RGSL1: variants seen among roughly 807,000 people sequenced by gnomAD.
RGSL1 encodes regulator of G protein signaling like 1.
In RGSL1, 97 loss-of-function variants were observed where a neutral mutation model predicts 124.7. That is an observed-to-expected ratio of 0.78 (90% confidence interval 0.66 to 0.92). RGSL1 has a LOEUF of 0.92. Among genes scored for constraint, RGSL1 ranks in the 40% least tolerant of loss-of-function variants. The pLI is 0.00. For missense variants in RGSL1, 1,233 were observed against 1,288.4 expected (o/e 0.96, Z 0.66); for synonymous variants, 424 against 438.1 (o/e 0.97, Z 0.40).
intron 5 of RGSL1, 143 bp downstream of exon 5, chr1:182,472,700 C>A (rs1968710): frequency 0.07 from 54,867 of 786,396 alleles, 2,879 homozygotes; most frequent in East Asian, 0.25. Context: ...CAACCCCAAC[C>A]CTTAACCAGG....
chr1:182,488,779 A>T, intron 7 of RGSL1: 1 of 502,592 alleles, frequency 2.0e-6, no homozygotes. Context: ...AACCACAGAA[A>T]ATTTCTTCCT....
intron 4 of RGSL1, among the ~76,000 whole-genome samples, chr1:182,471,106 TC>T (rs1399402728): frequency 2.0e-5 from 3 of 152,172 alleles, no homozygotes; most frequent in Non-Finnish European, 4.4e-5. Context: ...TTAACACATG[TC>T]ACCAGATGGT....
chr1:182,462,643 CATTA>C (rs1652943564), intron 4 of RGSL1, among the ~76,000 whole-genome samples: 2 of 152,138 alleles, frequency 1.3e-5, no homozygotes, highest in Admixed American at 6.5e-5. Flanking sequence ...TATTAATGCA[CATTA>C]ATTAATTATT....
chr1:182,554,534 C>G, intron 19 of RGSL1, 93 bp from the exon 20 acceptor site: 1 of 1,082,764 alleles, frequency 9.2e-7, no homozygotes, highest in Non-Finnish European at 1.4e-6. Flanking sequence ...TCCGTGGAAG[C>G]CCACCCAGCA....
intron 10 of RGSL1, among the ~76,000 whole-genome samples, chr1:182,524,735 A>G (rs982843705): frequency 1.3e-5 from 2 of 152,230 alleles, no homozygotes; most frequent in African/African-American, 4.8e-5. Context: ...CAAAAAAGCC[A>G]ATGACCAGGA....
chr1:182,474,567 G>T, intron 6 of RGSL1, 25 bp downstream of exon 6: 3 of 1,511,140 alleles, frequency 2.0e-6, no homozygotes, highest in Non-Finnish European at 2.7e-6. Context: ...ACAGAAATAA[G>T]TTATATCTGG....
intron 3 of RGSL1, among the ~76,000 whole-genome samples, chr1:182,459,616 T>C (rs1652639965): frequency 6.6e-6 from 1 of 152,214 alleles, no homozygotes; most frequent in South Asian, 2.1e-4. Flanking sequence ...TGTTAGAAAT[T>C]ATGAGTGTGT....
intron 9 of RGSL1, 60 bp from the exon 10 acceptor site, chr1:182,521,944 G>GTT: frequency 8.9e-7 from 1 of 1,120,346 alleles, no homozygotes; most frequent in Middle Eastern, 2.5e-4. Context: ...ATCCTTGCTA[G>GTT]TTTTTCCCTT....
chr1:182,524,183 G>A (rs375049376), intron 10 of RGSL1, among the ~76,000 whole-genome samples: 9 of 152,168 alleles, frequency 5.9e-5, no homozygotes, highest in African/African-American at 1.4e-4. Context: ...TAAGGAATTC[G>A]CATTGATTAA....
chr1:182,548,770 T>A lies in RGSL1; in HGVS notation c.2879T>A (p.Val960Asp). ...AITEGYLDRS[V>D]FHGAIMSVFP... ...ACAGAGGGCTACCTAGATCGGAGCG[T>A]CTTCCATGGGGCTATCATGTCTGTC... is the stretch of plus-strand genomic sequence containing the variant. Residue 960 changes from valine (V) to aspartate (D), a missense_variant, in exon 17 of 22, where the codon GTC (valine) becomes GAC (aspartate). By Grantham distance (152) the Val-to-Asp change is radical. Coordinates refer to ENST00000294854, the MANE Select transcript of RGSL1 (RefSeq NM_001137669.2). 1 of 1,551,628 alleles carries A rather than the reference T, an allele frequency of 6.4e-7. No individual in the cohort carries two copies. The highest frequency in any genetic ancestry group is 8.7e-7 in the Non-Finnish European group (1 of 1,146,984).
In RGSL1 at chr1:182,476,112, A is replaced by T. The variant is rs953007012; in HGVS notation, c.1431+1570A>T. Among the ~76,000 whole-genome samples the T allele has an allele frequency of 9.2e-5, 14 of 152,302 alleles. 1 individual carries two copies. Among genetic ancestry groups the T allele is most frequent in the South Asian group, 8.3e-4 (4 of 4,818 alleles). On this transcript the variant is annotated intron_variant, in intron 6 of 21. Coordinates refer to ENST00000294854, the MANE Select transcript of RGSL1 (RefSeq NM_001137669.2). ...GTATATCATAATTATCCAGGGTTGT[A>T]CAGTGAGGTAATTTCAGAATAGATC...
At chr1:182,461,029 G>A (rs1204179346) in intron 4 of RGSL1, among the ~76,000 whole-genome samples, 5 of 152,084 alleles carry the variant, frequency 3.3e-5, no homozygotes, top group African/African-American at 1.2e-4. Flanking sequence ...CAAAGACGTG[G>A]GCACACATTG....
intron 11 of RGSL1, among the ~76,000 whole-genome samples, chr1:182,529,234 C>A (rs1658989983): frequency 6.6e-6 from 1 of 152,232 alleles, no homozygotes; most frequent in African/African-American, 2.4e-5. Flanking sequence ...TAGGGATAGG[C>A]AGCTCCACTT....
chr1:182,502,093 T>C lies in RGSL1; in HGVS notation c.1825+8964T>C, dbSNP rs78720238. On this transcript the variant is annotated intron_variant, in intron 9 of 21. Coordinates refer to ENST00000294854, the MANE Select transcript of RGSL1 (RefSeq NM_001137669.2). ...GTAATGTCTTCACTTTTATTTCTGATGTTAATAATTTAATTCTTTTCCCTT... is the reference window on the plus strand; with the variant it reads ...GTAATGTCTTCACTTTTATTTCTGACGTTAATAATTTAATTCTTTTCCCTT... Among the ~76,000 whole-genome samples, 868 of 152,338 alleles carry C rather than the reference T, an allele frequency of 5.7e-3. 8 individuals carry two copies. The highest frequency in any genetic ancestry group is 0.02 in the African/African-American group (839 of 41,580).
intron 6 of RGSL1, among the ~76,000 whole-genome samples, chr1:182,485,672 AC>A (rs1204460822): frequency 6.6e-6 from 1 of 152,182 alleles, no homozygotes; most frequent in Middle Eastern, 3.2e-3. Flanking sequence ...ACTGCTATTT[AC>A]TGACAAGTGC....
At chr1:182,528,569 G>T (rs1232872792) in intron 11 of RGSL1, among the ~76,000 whole-genome samples, 3 of 152,130 alleles carry the variant, frequency 2.0e-5, no homozygotes, top group South Asian at 2.1e-4. Context: ...GGAGAAATTG[G>T]CCCGAAGAAA....
chr1:182,460,599 T>C (rs777628555), intron 4 of RGSL1: 66 of 453,574 alleles, frequency 1.5e-4, no homozygotes, highest in Admixed American at 1.2e-3. Flanking sequence ...TCTCTTTGCT[T>C]TTGCTCTTGC....
In RGSL1 at chr1:182,530,314, AC is replaced by A. The variant is rs1659074160; in HGVS notation, c.2197del (p.Leu733CysfsTer2). Reference protein sequence around the residue: ...ASMRHVTTSTLLTLQGHVMKS... With the variant: ...ASMRHVTTSTXLTLQGHVMKS... ...CCATGCGTCATGTCACCACAAGCAC[AC>A]TGTTAACGCTCCAGGGACATGTTAT... On this transcript the variant is annotated frameshift_variant, in exon 12 of 22. Coordinates refer to ENST00000294854, the MANE Select transcript of RGSL1 (RefSeq NM_001137669.2). LOFTEE classifies it high-confidence loss of function. 1 of 1,551,000 alleles carries A rather than the reference AC, an allele frequency of 6.4e-7. No individual in the cohort carries two copies. Among genetic ancestry groups the A allele is most frequent in the Non-Finnish European group, 8.7e-7 (1 of 1,146,586 alleles).
At chr1:182,528,906 C>T (rs1359707327) in intron 11 of RGSL1, among the ~76,000 whole-genome samples, 1 of 152,174 alleles carries the variant, frequency 6.6e-6, no homozygotes, top group African/African-American at 2.4e-5. Flanking sequence ...GTGGAAGGCA[C>T]CTGTCTACAG....
Sources: gnomAD v4.1 joint callset for allele counts (sites outside exome capture counted in the v4.1 genomes callset) on GRCh38, gnomAD v4.1.1 for gene constraint, MANE v1.5 for transcripts, NCBI Gene and HGNC (gene_info 2026-07-23, HGNC 2026-07-21) for gene names.